Variants in TOPORS observed in about 807,000 individuals in gnomAD.
TOPORS encodes the protein TOP1 binding arginine/serine rich protein, E3 ubiquitin ligase.
Under a neutral mutation model 81.4 loss-of-function variants are expected in TOPORS, and 25 were observed. That is an observed-to-expected ratio of 0.31 (90% confidence interval 0.22 to 0.43). The LOEUF is 0.43. Among genes scored for constraint, TOPORS ranks in the 20% least tolerant of loss-of-function variants. The pLI is 1.00. For missense variants in TOPORS, 1,101 were observed against 1,267.0 expected, an observed-to-expected ratio of 0.87 and a Z score of 1.99; for synonymous variants, 473 against 456.6, an observed-to-expected ratio of 1.04 and a Z score of -0.46.
In TOPORS at chr9:32,541,281, AAG is replaced by A. The variant is rs1419323697; in HGVS notation, c.*104_*105del. On this transcript the variant is annotated 3_prime_UTR_variant, in exon 3 of 3. Transcript: ENST00000360538. ...AATCATTTAAAATATTGTAAGGAGG[AAG>A]AGAGTTTTCACCAAATGTCATCTTT... 67 of 1,109,638 alleles carry A rather than the reference AAG, an allele frequency of 6.0e-5. No homozygotes were observed. Among genetic ancestry groups the A allele is most frequent in the South Asian group, 3.6e-4 (26 of 72,702 alleles). The allele number at this position is 1,109,638 out of a possible 1,614,324, so 68.7% of individuals were successfully genotyped here.
In TOPORS at chr9:32,542,986, C is replaced by A. The variant is rs759062062; in HGVS notation, c.1539G>T (p.Val513=). ...AAGATTGCTCCTGTTCTTGTGTCTTCACTGTCTCCATTTTCTCATAAGAAC... is the reference window on the plus strand; with the variant it reads ...AAGATTGCTCCTGTTCTTGTGTCTTAACTGTCTCCATTTTCTCATAAGAAC... ...DLGSYEKMET[V]KTQEQEQSYS... The change falls in exon 3 of 3, where the codon GTG becomes GTT. Residue 513 remains valine, a synonymous_variant. Transcript: ENST00000360538. 4.3e-6 allele frequency: 7 copies of A among 1,614,192 alleles called. No individual in the cohort carries two copies. In the East Asian group the frequency reaches 1.6e-4, roughly 36 times the overall value.
At position 32,541,930 on chromosome 9, in the gene TOPORS, T is replaced by C. The variant is rs776436112; in HGVS notation, c.2595A>G (p.Leu865=). The change falls in exon 3 of 3, where the codon CTA becomes CTG. Residue 865 remains leucine (L), a synonymous_variant. Transcript: ENST00000360538. The part of the protein sequence containing the change: ...HKRRKRKTRS[L]SVEIVYEGKA... ...TTCCTTCATAAACTATCTCTACACTTAGGCTCCGGGTCTTCCTTTTTCTCC... is the reference window on the plus strand; with the variant it reads ...TTCCTTCATAAACTATCTCTACACTCAGGCTCCGGGTCTTCCTTTTTCTCC... The C allele has an allele frequency of 6.2e-7, 1 of 1,613,916 alleles. No homozygotes were observed. Among genetic ancestry groups the C allele is most frequent in the Non-Finnish European group, 8.5e-7 (1 of 1,179,990 alleles).
intron 2 of TOPORS, among the ~76,000 whole-genome samples, chr9:32,549,960 G>C (rs1821203741): frequency 1.3e-5 from 2 of 152,100 alleles, no homozygotes; most frequent in Non-Finnish European, 2.9e-5. Context: ...AATTGGCTGG[G>C]AACCGTTCGC....
Position 32,543,134 on chromosome 9 carries a change from T to C in TOPORS, c.1391A>G (p.Asn464Ser), listed in dbSNP as rs148416446. 33 of 1,613,986 alleles carry C rather than the reference T, an allele frequency of 2.0e-5. No individual in the cohort carries two copies. Among genetic ancestry groups the C allele is most frequent in the African/African-American group, 2.7e-5 (2 of 74,926 alleles). ...ATCACTGTCATTATTTAGGTCGTCA[T>C]TGGTTTGTACTCCTTGTATCTGAGA... ...ATSQIQGVQTNDDLNNDSDDS... is the reference protein window; with the variant it reads ...ATSQIQGVQTSDDLNNDSDDS... The change falls in exon 3 of 3, where the codon AAT (asparagine) becomes AGT (serine). Residue 464 changes from asparagine (N) to serine (S), a missense_variant. Asn to Ser is a conservative substitution (Grantham distance 46). Coordinates refer to ENST00000360538, the MANE Select transcript of TOPORS (RefSeq NM_005802.5). This position sits in a 1 kb window ranked among gnomAD's most constrained non-coding sequence, Gnocchi z 5.6.
In TOPORS at chr9:32,542,601, C is replaced by T. The variant is rs759617192; in HGVS notation, c.1924G>A (p.Asp642Asn). The change falls in exon 3 of 3, where the codon GAC becomes AAC. Residue 642 changes from aspartate (D) to asparagine (N), a missense_variant. Coordinates refer to ENST00000360538, the MANE Select transcript of TOPORS (RefSeq NM_005802.5). ...TCTCTAGTTCTTGATCTCTTTTTGTCTCTTCTCCCTCTAGGTCTGCTACTT... is the reference window on the plus strand; with the variant it reads ...TCTCTAGTTCTTGATCTCTTTTTGTTTCTTCTCCCTCTAGGTCTGCTACTT... ...RESSRPRGRR[D>N]KKRSRTRDSS... 1.9e-6 allele frequency: 3 copies of T among 1,614,042 alleles called. No individual in the cohort carries two copies. Among genetic ancestry groups the T allele is most frequent in the Admixed American group, 1.7e-5 (1 of 60,014 alleles).
rs372273259 is a variant in TOPORS at position 32,542,942 on chromosome 9, T to C, written c.1583A>G (p.Asp528Gly). 2.5e-6 allele frequency: 4 copies of C among 1,614,062 alleles called. No homozygotes were observed. The highest frequency in any genetic ancestry group is 3.4e-6 in the Non-Finnish European group (4 of 1,180,036). The change falls in exon 3 of 3, where the codon GAT becomes GGT. Residue 528 changes from aspartate (D) to glycine (G), a missense_variant. Physicochemically the swap from Asp to Gly is moderately conservative, Grantham distance 94 (BLOSUM62 -1). Transcript: ENST00000360538. Reference protein sequence around the residue: ...QEQSYSSGDSDVSRCSSPHSV... With the variant: ...QEQSYSSGDSGVSRCSSPHSV... ...GTGTGGAGATGAGCATCTACTAACA[T>C]CGCTATCACCAGAACTGTAAGATTG...
intron 2 of TOPORS, 98 bp from the exon 3 acceptor site, chr9:32,544,424 G>C: frequency 8.1e-7 from 1 of 1,234,530 alleles, no homozygotes; most frequent in Non-Finnish European, 1.1e-6. Context: ...ACTTATTTTG[G>C]TGAAAATACT....
chr9:32,542,090 G>C lies in TOPORS; in HGVS notation c.2435C>G (p.Pro812Arg), dbSNP rs36034138. The C allele has an allele frequency of 1.8e-3, 2,933 of 1,614,100 alleles. 50 individuals carry two copies. The African/African-American group carries it at 0.036, about 20-fold the overall frequency. ...HLEGTNEVAQPSREFASKAKD... is the reference protein window; with the variant it reads ...HLEGTNEVAQRSREFASKAKD... ...TGCTTTAGAAGCAAATTCACGAGAT[G>C]GCTGAGCCACTTCGTTAGTACCCTC... Residue 812 changes from proline to arginine, a missense_variant, in exon 3 of 3, where the codon CCA becomes CGA. By Grantham distance (103) the Pro-to-Arg change is moderately radical (BLOSUM62 -2). This residue lies in a region of TOPORS where 605 missense variants were observed against 636.1 expected (regional missense o/e 0.95). Coordinates refer to ENST00000360538, the MANE Select transcript of TOPORS (RefSeq NM_005802.5).
chr9:32,552,194 C>G (rs1319856965), intron 1 of TOPORS: 2 of 556,294 alleles, frequency 3.6e-6, no homozygotes, highest in South Asian at 2.2e-5. Flanking sequence ...AAAAAAAAAG[C>G]AATTTTTAAC....
chr9:32,541,291 T>C lies in TOPORS; in HGVS notation c.*96A>G, dbSNP rs1012006060. On this transcript the variant is annotated 3_prime_UTR_variant, in exon 3 of 3. Coordinates refer to ENST00000360538, the MANE Select transcript of TOPORS (RefSeq NM_005802.5). Reference sequence around the variant, plus strand: ...AATATTGTAAGGAGGAAGAGAGTTTTCACCAAATGTCATCTTTAAATAGAC... The same window carrying C: ...AATATTGTAAGGAGGAAGAGAGTTTCCACCAAATGTCATCTTTAAATAGAC... The C allele has an allele frequency of 5.7e-6, 7 of 1,233,016 alleles. No homozygotes were observed. In the African/African-American group the frequency reaches 9.1e-5, roughly 16 times the overall value. 76.4% of individuals were successfully genotyped at this position (1,233,016 alleles called of 1,614,324 possible).
At position 32,550,850 on chromosome 9, in the gene TOPORS, C is replaced by T; in HGVS notation, c.122G>A (p.Arg41Gln). Residue 41 changes from arginine (R) to glutamine (Q), a missense_variant, in exon 2 of 3, where the codon CGA (arginine) becomes CAA (glutamine). By Grantham distance (43) the Arg-to-Gln change is conservative. This residue lies in a region of TOPORS where 131 missense variants were observed against 101.0 expected (regional missense o/e 1.30). Coordinates refer to ENST00000360538, the MANE Select transcript of TOPORS (RefSeq NM_005802.5). ...SRRVRLRGSC[R>Q]HRPSFLGCRE... ...GCAGCCCAGAAAGCTAGGTCGGTGT[C>T]GGCAGGATCCGCGAAGGCGTACCCG... 6.2e-7 allele frequency: 1 copy of T among 1,612,968 alleles called. No homozygotes were observed. Among genetic ancestry groups the T allele is most frequent in the South Asian group, 1.1e-5 (1 of 91,072 alleles).
In TOPORS at chr9:32,540,610, A is replaced by G. The variant is rs990346159; in HGVS notation, c.*777T>C. The G allele has an allele frequency of 1.0e-4, 16 of 152,528 alleles. No individual in the cohort carries two copies. The allele number at this position is 152,528 out of a possible 1,614,324, so 9.4% of individuals were successfully genotyped here. ...TGTTTTTACTGATGATAGAAAGCAA[A>G]TAAGATACTCCTCAAAATCAAAGAA... On this transcript the variant is annotated 3_prime_UTR_variant, in exon 3 of 3. Coordinates refer to ENST00000360538, the MANE Select transcript of TOPORS (RefSeq NM_005802.5).
At chr9:32,552,302 G>T in intron 1 of TOPORS, 132 bp downstream of exon 1, 1 of 1,338,722 alleles carries the variant, frequency 7.5e-7, no homozygotes, top group Non-Finnish European at 1.0e-6. Flanking sequence ...CGACAGCGCT[G>T]CACGAAGCGA....
In TOPORS at chr9:32,541,270, T is replaced by C. The variant is rs752719297; in HGVS notation, c.*117A>G. 319 of 1,027,504 alleles carry C rather than the reference T, an allele frequency of 3.1e-4. 1 individual carries two copies. Among genetic ancestry groups the C allele is most frequent in the Non-Finnish European group, 4.2e-4 (295 of 702,072 alleles). 63.6% of individuals were successfully genotyped at this position (1,027,504 alleles called of 1,614,324 possible). A position where few individuals can be genotyped will look rare whatever the true frequency, so the allele number is the denominator to read the frequency against. On this transcript the variant is annotated 3_prime_UTR_variant, in exon 3 of 3. Transcript: ENST00000360538. ...ACCAAAAAAAAAATCATTTAAAATA[T>C]TGTAAGGAGGAAGAGAGTTTTCACC...
intron 2 of TOPORS, among the ~76,000 whole-genome samples, chr9:32,547,999 ATTTTT>A (rs747727912): frequency 6.0e-5 from 5 of 83,730 alleles, no homozygotes; most frequent in South Asian, 4.4e-4. Flanking sequence ...CACGCTCGGC[ATTTTT>A]TTTTTTTTTT....
In TOPORS at chr9:32,551,045, G is replaced by A. The variant is rs2118982127; in HGVS notation, c.4-77C>T. The stretch of plus-strand genomic sequence containing the variant: ...GCGAGACCCACCCCCCAGCTCCCGC[G>A]CATCAAAACACAACACCCGCCTTCC... On this transcript the variant is annotated intron_variant, in intron 1 of 2. Transcript: ENST00000360538. 3.3e-6 allele frequency: 5 copies of A among 1,517,286 alleles called. No individual in the cohort carries two copies. The East Asian group carries it at 1.2e-4, about 35-fold the overall frequency. The allele number at this position is 1,517,286 out of a possible 1,614,324, so 94.0% of individuals were successfully genotyped here. A position where few individuals can be genotyped will look rare whatever the true frequency, so the allele number is the denominator to read the frequency against.
chr9:32,542,854 T>A lies in TOPORS; in HGVS notation c.1671A>T (p.Lys557Asn). Residue 557 changes from lysine to asparagine, a missense_variant, in exon 3 of 3, where the codon AAA becomes AAT. Physicochemically the swap from Lys to Asn is moderately conservative, Grantham distance 94. Coordinates refer to ENST00000360538, the MANE Select transcript of TOPORS (RefSeq NM_005802.5). Reference sequence around the variant, plus strand: ...TAGATCGTTTCTCTTCCTTCTTTGATTTGATTCTTGTACTAGAATCACAAT... The same window carrying A: ...TAGATCGTTTCTCTTCCTTCTTTGAATTGATTCTTGTACTAGAATCACAAT... The part of the protein sequence containing the change: ...KGHCDSSTRI[K>N]SKKEEKRSTS... The A allele has an allele frequency of 6.2e-7, 1 of 1,614,154 alleles. No homozygotes were observed. The highest frequency in any genetic ancestry group is 8.5e-7 in the Non-Finnish European group (1 of 1,180,026).
At position 32,543,566 on chromosome 9, in the gene TOPORS, T is replaced by C. The variant is rs1821102650; in HGVS notation, c.959A>G (p.His320Arg). The C allele has an allele frequency of 6.2e-7, 1 of 1,613,692 alleles. No homozygotes were observed. The highest frequency in any genetic ancestry group is 1.7e-5 in the Admixed American group (1 of 59,986). ...AHGSLVNIVQ[H>R]IIMSNVTRYD... ...GCGAGTAACATTACTCATGATAATA[T>C]GCTGGACAATATTCACTAAAGATCC... Residue 320 changes from histidine to arginine, a missense_variant, in exon 3 of 3, where the codon CAT (histidine) becomes CGT (arginine). By Grantham distance (29) the His-to-Arg change is conservative (BLOSUM62 0). Around this residue, in one of 9 missense-constraint regions of TOPORS, gnomAD observed 69 missense variants for 153.6 expected, o/e 0.45. Transcript: ENST00000360538. The surrounding 1 kb of genome is among the most constrained non-coding windows in gnomAD (Gnocchi z 5.6).
Position 32,542,656 on chromosome 9 carries a change from T to C in TOPORS, c.1869A>G (p.Arg623=). 6.2e-7 allele frequency: 1 copy of C among 1,614,092 alleles called. No homozygotes were observed. Among genetic ancestry groups the C allele is most frequent in the Non-Finnish European group, 8.5e-7 (1 of 1,180,004 alleles). ...TGCTTCTGGATCGTTTACTTTTCAT[T>C]CTTTTCTTCCCATGATGCTTTCTAT... ...KNHRKHHGKK[R]MKSKRSRSRE... is the part of the protein sequence containing the mutation. The change falls in exon 3 of 3, where the codon AGA becomes AGG. Residue 623 remains arginine, a synonymous_variant. Coordinates refer to ENST00000360538, the MANE Select transcript of TOPORS (RefSeq NM_005802.5).
Sources: allele counts gnomAD v4.1 joint callset (sites outside exome capture counted in the v4.1 genomes callset), GRCh38; gene constraint gnomAD v4.1.1; regional missense constraint gnomAD v4.1.1; non-coding constraint Gnocchi (gnomAD v3.1); transcripts MANE v1.5; gene names NCBI Gene and HGNC (gene_info 2026-07-23, HGNC 2026-07-21).